The following PDE4A variants were observed in gnomAD, a reference collection of about 807,000 sequenced individuals.
The protein encoded by PDE4A is 3',5'-cyclic-AMP phosphodiesterase 4A.
In PDE4A, 21 loss-of-function variants were observed where a neutral mutation model predicts 73.9. That is an observed-to-expected ratio of 0.28 (90% CI 0.20 to 0.41). The LOEUF (loss-of-function observed/expected upper bound fraction) is 0.41. Among genes scored for constraint, PDE4A ranks in the 10% least tolerant of loss-of-function variants. The pLI, the probability that PDE4A is intolerant of heterozygous loss-of-function variation, is 1.00. For missense variants in PDE4A, 958 were observed against 1,211.4 expected (o/e 0.79, Z 3.10); for synonymous variants, 463 against 505.4 (o/e 0.92, Z 1.13).
chr19:10,420,618 C>T lies in PDE4A; in HGVS notation c.-147C>T. 2 of 1,303,676 alleles carry T rather than the reference C, an allele frequency of 1.5e-6. No individual in the cohort carries two copies. Among genetic ancestry groups the T allele is most frequent in the Non-Finnish European group, 9.7e-7 (1 of 1,031,458 alleles). The allele number at this position is 1,303,676 out of a possible 1,614,324, so 80.8% of individuals were successfully genotyped here. A position where few individuals can be genotyped will look rare whatever the true frequency, so the allele number is the denominator to read the frequency against. ...CGGCCCGGGGGCGATTGGCCCGCAG[C>T]GCCCCCGGGTCTGTCCCCGGGGCGC... On this transcript the variant is annotated 5_prime_UTR_variant, in exon 1 of 15. Transcript: ENST00000380702. The surrounding 1 kb of genome is among the most constrained non-coding windows in gnomAD (Gnocchi z 6.0).
chr19:10,453,288 G>A lies in PDE4A; in HGVS notation c.784-1541G>A, dbSNP rs773351778. 7 of 1,613,482 alleles carry A rather than the reference G, an allele frequency of 4.3e-6. No homozygotes were observed. Among genetic ancestry groups the A allele is most frequent in the Non-Finnish European group, 5.9e-6 (7 of 1,179,700 alleles). Reference sequence around the variant, plus strand: ...GATGCCCTTGGTGGATTTCTTCTGCGAGACCTGCTCTAAGCCTTGGCTGGT... The same window carrying A: ...GATGCCCTTGGTGGATTTCTTCTGCAAGACCTGCTCTAAGCCTTGGCTGGT... On this transcript the variant is annotated intron_variant, in intron 6 of 14. Transcript: ENST00000380702. This position sits in a 1 kb window ranked among gnomAD's most constrained non-coding sequence, Gnocchi z 4.6.
Position 10,457,955 on chromosome 19 carries a change from C to G in PDE4A, c.954C>G (p.Pro318=). 1.2e-6 allele frequency: 2 copies of G among 1,613,690 alleles called. No homozygotes were observed. Among genetic ancestry groups the G allele is most frequent in the African/African-American group, 2.7e-5 (2 of 75,028 alleles). Residue 318 remains proline (P), a synonymous_variant, in exon 8 of 15, where the codon CCC becomes CCG. Coordinates refer to ENST00000380702, the MANE Select transcript of PDE4A (RefSeq NM_001111307.2). ...REKQQAPRPR[P]SQPPPPPVPH... ...AACAGCAAGCGCCGCGACCAAGACC[C>G]TCCCAGCCGCCCCCGCCCCCTGTAC... is the stretch of plus-strand genomic sequence containing the variant.
At chr19:10,434,235 C>T (rs57643425) in intron 1 of PDE4A, among the ~76,000 whole-genome samples, 3,109 of 141,426 alleles carry the variant, frequency 0.022, 110 homozygotes, top group African/African-American at 0.079. Flanking sequence ...TTCAGGGTCT[C>T]GCTCTGTCAC....
intron 2 of PDE4A, 72 bp from the exon 3 acceptor site, chr19:10,448,845 G>T: frequency 6.2e-7 from 1 of 1,605,364 alleles, no homozygotes; most frequent in Non-Finnish European, 8.5e-7. Context: ...CCTGGGTCCA[G>T]CCTCACAGGG....
At chr19:10,455,772 A>G in intron 7 of PDE4A, among the ~76,000 whole-genome samples, 1 of 108,950 alleles carries the variant, frequency 9.2e-6, no homozygotes, top group Non-Finnish European at 1.8e-5. Flanking sequence ...CAAAAAATAA[A>G]CAAAAAAAAA....
At chr19:10,463,703 C>A in intron 13 of PDE4A, 90 bp from the exon 14 acceptor site, 1 of 1,571,164 alleles carries the variant, frequency 6.4e-7, no homozygotes, top group African/African-American at 1.4e-5. Flanking sequence ...GCCTGGCCCC[C>A]ATTTCTTAAA....
rs1006721623 is a variant in PDE4A at position 10,465,779 on chromosome 19, C to T, written c.1927-1108C>T. On this transcript the variant is annotated intron_variant, in intron 14 of 14. Transcript: ENST00000380702. ...GCAATGGCGCGATCTTGGCTCACTG[C>T]AACCTCTGCCTCCCGGGTTCGAGCC... Among the ~76,000 whole-genome samples, 10 of 138,216 alleles carry T rather than the reference C, an allele frequency of 7.2e-5. No homozygotes were observed. In the Admixed American group the frequency reaches 8.1e-4, roughly 11 times the overall value. The allele number at this position is 138,216 out of a possible 152,430, so 90.7% of individuals were successfully genotyped here. A position where few individuals can be genotyped will look rare whatever the true frequency, so the allele number is the denominator to read the frequency against.
At chr19:10,454,193 C>G (rs971202698) in intron 6 of PDE4A, among the ~76,000 whole-genome samples, 1 of 152,112 alleles carries the variant, frequency 6.6e-6, no homozygotes, top group Non-Finnish European at 1.5e-5. Flanking sequence ...GAACCCCCCT[C>G]CCCCTCCCCT....
rs528036605 is a variant in PDE4A at position 10,453,006 on chromosome 19, G to A, written c.784-1823G>A. 1.2e-5 allele frequency: 16 copies of A among 1,294,984 alleles called. No individual in the cohort carries two copies. In the South Asian group the frequency reaches 1.8e-4, roughly 14 times the overall value. The allele number at this position is 1,294,984 out of a possible 1,614,324, so 80.2% of individuals were successfully genotyped here. ...TGCCCTGCCCCCCTCCCATGGGCAC[G>A]GACCCCCCACCGCCTCCACCCACTG... On this transcript the variant is annotated intron_variant, in intron 6 of 14. Coordinates refer to ENST00000380702, the MANE Select transcript of PDE4A (RefSeq NM_001111307.2). The surrounding 1 kb of genome is among the most constrained non-coding windows in gnomAD (Gnocchi z 4.6).
chr19:10,417,125 C>T, upstream of PDE4A: 2 of 1,443,302 alleles, frequency 1.4e-6, no homozygotes, highest in Non-Finnish European at 1.8e-6. Flanking sequence ...CCCCTCGTGC[C>T]TCAGTTTACC....
intron 1 of PDE4A, chr19:10,431,102 G>A (rs1599407668): frequency 2.0e-6 from 3 of 1,485,610 alleles, no homozygotes; most frequent in Non-Finnish European, 2.7e-6. Context: ...TGCAGCGCTG[G>A]TGGCCGTGGG....
rs2042636520 is a variant in PDE4A, at chr19:10,420,620, C to T, written c.-145C>T. 4.5e-6 allele frequency: 6 copies of T among 1,320,084 alleles called. No individual in the cohort carries two copies. Among genetic ancestry groups the T allele is most frequent in the Non-Finnish European group, 5.8e-6 (6 of 1,040,372 alleles). 81.8% of individuals were successfully genotyped at this position (1,320,084 alleles called of 1,614,324 possible). On this transcript the variant is annotated 5_prime_UTR_variant, in exon 1 of 15. Transcript: ENST00000380702. This position sits in a 1 kb window ranked among gnomAD's most constrained non-coding sequence, Gnocchi z 6.0. ...GCCCGGGGGCGATTGGCCCGCAGCG[C>T]CCCCGGGTCTGTCCCCGGGGCGCCA...
intron 9 of PDE4A, 40 bp downstream of exon 9, chr19:10,459,538 C>T (rs1599451272): frequency 6.2e-6 from 10 of 1,611,174 alleles, no homozygotes; most frequent in Non-Finnish European, 7.6e-6. Flanking sequence ...GTGAGGGGCT[C>T]ATAGCGGGGC....
intron 2 of PDE4A, 92 bp downstream of exon 2, chr19:10,446,501 CT>C: frequency 6.8e-7 from 1 of 1,470,352 alleles, no homozygotes; most frequent in Non-Finnish European, 9.2e-7. Flanking sequence ...GCACCCACCC[CT>C]ATCCTCCTCA....
At chr19:10,441,684 A>T (rs201229274) in intron 1 of PDE4A, among the ~76,000 whole-genome samples, 1,542 of 92,344 alleles carry the variant, frequency 0.017, 37 homozygotes, top group African/African-American at 0.04. Flanking sequence ...ATTTTGAGTT[A>T]TTTTTTTTTT....
chr19:10,454,392 G>A (rs766200626), intron 6 of PDE4A, among the ~76,000 whole-genome samples: 5 of 152,236 alleles, frequency 3.3e-5, no homozygotes, highest in Non-Finnish European at 7.3e-5. Flanking sequence ...GAAGGCAAGG[G>A]TTAAGGGGCC....
intron 1 of PDE4A, among the ~76,000 whole-genome samples, chr19:10,433,987 T>C (rs2042830312): frequency 6.6e-6 from 1 of 152,166 alleles, no homozygotes; most frequent in Non-Finnish European, 1.5e-5. Flanking sequence ...TCCCAGCACT[T>C]TGGGAGGCTG....
chr19:10,419,182 G>T, upstream of PDE4A: 1 of 697,776 alleles, frequency 1.4e-6, no homozygotes, highest in Non-Finnish European at 1.7e-6. Flanking sequence ...TCTGGTCCCC[G>T]GGTCCCGCAG....
intron 7 of PDE4A, 200 bp from the exon 8 acceptor site, chr19:10,457,679 C>A (rs767835882): frequency 9.1e-5 from 49 of 540,124 alleles, no homozygotes; most frequent in Non-Finnish European, 1.1e-4. Flanking sequence ...CCTGGGCCCC[C>A]ACTCCAGCCC....
Sources: allele counts gnomAD v4.1 joint callset (sites outside exome capture counted in the v4.1 genomes callset), GRCh38; gene constraint gnomAD v4.1.1; non-coding constraint Gnocchi (gnomAD v3.1); transcripts MANE v1.5; gene names NCBI Gene and HGNC (gene_info 2026-07-23, HGNC 2026-07-21).